The following SHISA9 variants were observed in gnomAD, a reference collection of about 807,000 sequenced individuals.
SHISA9 encodes shisa family member 9, also known as protein shisa-9.
Under a neutral mutation model 38.0 loss-of-function variants are expected in SHISA9, and 13 were observed. The observed-to-expected ratio is 0.34, with a 90% confidence interval of 0.22 to 0.54. The LOEUF is 0.54. SHISA9 is among the 20% of genes least tolerant of loss of function. SHISA9 has a pLI of 0.91. For synonymous variants in SHISA9, 275 were observed against 242.0 expected, an observed-to-expected ratio of 1.14 and a Z score of -1.27; for missense variants, 538 against 575.8, an observed-to-expected ratio of 0.93 and a Z score of 0.67.
At chr16:13,506,969 C>G in the SHISA9 span, among the ~76,000 whole-genome samples, 123,559 of 151,904 alleles carry the variant, frequency 0.81, 50,449 homozygotes, top group East Asian at 0.96. Context: ...CTTGAGTCTG[C>G]GAGGTCGAAG....
chr16:12,920,421 C>G (rs550818642), intron 2 of SHISA9, among the ~76,000 whole-genome samples: 1 of 152,150 alleles, frequency 6.6e-6, no homozygotes, highest in Non-Finnish European at 1.5e-5. Context: ...ATAAGACCTA[C>G]TGTTTGATAG....
At chr16:13,007,648 C>G (rs2072615589) in intron 2 of SHISA9, among the ~76,000 whole-genome samples, 1 of 152,240 alleles carries the variant, frequency 6.6e-6, no homozygotes, top group Non-Finnish European at 1.5e-5. Flanking sequence ...AACCATCCCT[C>G]TCTAACTCCC....
chr16:13,319,387 A>G, the SHISA9 span, among the ~76,000 whole-genome samples: 3 of 152,356 alleles, frequency 2.0e-5, no homozygotes, highest in East Asian at 3.9e-4. Flanking sequence ...ATCCTGCACT[A>G]GAAGACCCGT....
At chr16:12,963,022 C>T (rs762650814) in intron 2 of SHISA9, among the ~76,000 whole-genome samples, 10 of 152,222 alleles carry the variant, frequency 6.6e-5, no homozygotes, top group Non-Finnish European at 1.2e-4. Flanking sequence ...AAGCCCAGTC[C>T]TCCAGCCTTC....
the SHISA9 span, among the ~76,000 whole-genome samples, chr16:13,456,684 G>A: frequency 6.6e-6 from 1 of 152,182 alleles, no homozygotes; most frequent in African/African-American, 2.4e-5. Flanking sequence ...TAGGCCATAC[G>A]TTATCAGTTC....
the SHISA9 span, among the ~76,000 whole-genome samples, chr16:13,494,255 A>G: frequency 6.6e-6 from 1 of 152,200 alleles, no homozygotes; most frequent in Non-Finnish European, 1.5e-5. Flanking sequence ...CATAGCCAGC[A>G]GGCTTCAGAA....
the SHISA9 span, among the ~76,000 whole-genome samples, chr16:13,290,246 C>T: frequency 1.3e-5 from 2 of 152,078 alleles, no homozygotes; most frequent in Admixed American, 6.6e-5. Context: ...CAAACATTTT[C>T]ATTTATGGAA....
intron 2 of SHISA9, among the ~76,000 whole-genome samples, chr16:13,145,420 G>A (rs998436601): frequency 6.6e-6 from 1 of 152,116 alleles, no homozygotes; most frequent in Non-Finnish European, 1.5e-5. Flanking sequence ...CCAGCTACTC[G>A]GGAGGCTGAG....
the SHISA9 span, among the ~76,000 whole-genome samples, chr16:13,438,877 C>T: frequency 1.3e-5 from 2 of 152,240 alleles, no homozygotes; most frequent in South Asian, 2.1e-4. Flanking sequence ...AAATGAGGTC[C>T]GCTCCATCCC....
chr16:13,225,678 T>G (rs1333894072), intron 4 of SHISA9, among the ~76,000 whole-genome samples: 2 of 151,808 alleles, frequency 1.3e-5, no homozygotes, highest in African/African-American at 4.8e-5. Context: ...GGAAAGGAGG[T>G]AGGTGGGAGG....
chr16:12,916,629 A>G (rs2141721069), intron 1 of SHISA9, 59 bp from the exon 2 acceptor site: 1 of 1,527,388 alleles, frequency 6.5e-7, no homozygotes, highest in East Asian at 2.5e-5. Flanking sequence ...TACTCGGCGC[A>G]TAGCAGCTGC....
At chr16:13,454,236 G>A in the SHISA9 span, among the ~76,000 whole-genome samples, 1 of 152,184 alleles carries the variant, frequency 6.6e-6, no homozygotes, top group African/African-American at 2.4e-5. Context: ...ACGTGGGTTT[G>A]TTTCGGAACA....
chr16:12,912,195 C>G (rs569148806), intron 1 of SHISA9, among the ~76,000 whole-genome samples: 1 of 149,270 alleles, frequency 6.7e-6, no homozygotes, highest in Non-Finnish European at 1.5e-5. Context: ...AGTGAGCGAG[C>G]CCCACTTCAA....
chr16:13,304,503 C>T, the SHISA9 span, among the ~76,000 whole-genome samples: 10 of 152,176 alleles, frequency 6.6e-5, no homozygotes, highest in Non-Finnish European at 1.3e-4. Context: ...AGTAATCTGC[C>T]TGCCCTGGCC....
At chr16:13,117,285 G>C (rs1054957497) in intron 2 of SHISA9, among the ~76,000 whole-genome samples, 2 of 152,024 alleles carry the variant, frequency 1.3e-5, no homozygotes, top group Non-Finnish European at 2.9e-5. Flanking sequence ...TATTTTATTA[G>C]TTTTTCAACA....
In SHISA9 at chr16:13,122,663, C is replaced by A. The variant is rs532033385; in HGVS notation, c.692-80731C>A. 2.6e-5 allele frequency among the ~76,000 whole-genome samples: 4 copies of A among 152,286 alleles called. No homozygotes were observed. The South Asian group carries it at 6.2e-4, about 24-fold the overall frequency. On this transcript the variant is annotated intron_variant, in intron 2 of 4. Coordinates refer to ENST00000558583, the MANE Select transcript of SHISA9 (RefSeq NM_001145204.3). ...GGAGAAGGACATTGACATTAGCAGA[C>A]TGTCTGTTGTGCCAGGCACTGTGTT...
intron 2 of SHISA9, among the ~76,000 whole-genome samples, chr16:13,179,047 A>G (rs1230842777): frequency 6.6e-6 from 1 of 152,212 alleles, no homozygotes; most frequent in Non-Finnish European, 1.5e-5. Flanking sequence ...TAGGCTGGGC[A>G]TGGTGGCTCA....
intron 2 of SHISA9, among the ~76,000 whole-genome samples, chr16:12,942,433 T>G (rs1346329065): frequency 6.6e-6 from 1 of 152,144 alleles, no homozygotes; most frequent in Non-Finnish European, 1.5e-5. Context: ...CTGCACAGAA[T>G]CAAGTTGACC....
the SHISA9 span, among the ~76,000 whole-genome samples, chr16:13,554,854 A>G: frequency 2.0e-5 from 3 of 152,206 alleles, no homozygotes; most frequent in Non-Finnish European, 2.9e-5. Flanking sequence ...CCTGGCAGCC[A>G]TTTTGAATCA....
Sources: allele counts gnomAD v4.1 joint callset (sites outside exome capture counted in the v4.1 genomes callset), GRCh38; gene constraint gnomAD v4.1.1; transcripts MANE v1.5; gene names NCBI Gene and HGNC (gene_info 2026-07-23, HGNC 2026-07-21).